Variants in KCNMA1 observed in about 807,000 individuals in gnomAD.
The protein encoded by KCNMA1 is Calcium-activated potassium channel subunit alpha-1.
A neutral mutation model predicts 140.0 loss-of-function variants in KCNMA1; 29 were observed. The observed-to-expected ratio is 0.21, with a 90% CI of 0.15 to 0.28. The LOEUF (loss-of-function observed/expected upper bound fraction) is 0.28, where lower values mean the gene tolerates loss of function less well. Among genes scored for constraint, KCNMA1 ranks in the 10% least tolerant of loss-of-function variants. The pLI, the probability that KCNMA1 is intolerant of heterozygous loss-of-function variation, is 1.00. For synonymous variants in KCNMA1, 612 were observed against 611.9 expected, an observed-to-expected ratio of 1.00 and a Z score of 0.00; for missense variants, 880 against 1,602.2, an observed-to-expected ratio of 0.55 and a Z score of 7.70.
intron 2 of KCNMA1, among the ~76,000 whole-genome samples, chr10:77,280,230 A>C (rs1188444324): frequency 6.6e-6 from 1 of 152,230 alleles, no homozygotes; most frequent in Non-Finnish European, 1.5e-5. Context: ...GCAGGGGAAA[A>C]TGAAGTATGC....
intron 2 of KCNMA1, among the ~76,000 whole-genome samples, chr10:77,256,460 T>C (rs1327991492): frequency 6.6e-6 from 1 of 152,172 alleles, no homozygotes; most frequent in African/African-American, 2.4e-5. Context: ...CCAGTGAATC[T>C]GACAATGGGA....
At chr10:76,925,941 G>T (rs2057545146) in intron 23 of KCNMA1, among the ~76,000 whole-genome samples, 2 of 152,214 alleles carry the variant, frequency 1.3e-5, no homozygotes, top group Non-Finnish European at 2.9e-5. Flanking sequence ...AGCTATCTCT[G>T]AATGGTTCTA....
intron 24 of KCNMA1, 81 bp downstream of exon 24, chr10:76,914,855 G>T: frequency 1.8e-6 from 2 of 1,083,428 alleles, no homozygotes; most frequent in Admixed American, 1.7e-5. Flanking sequence ...AAAGGGCTAA[G>T]AAATAAACCA....
At chr10:77,265,510 A>T (rs2063186381) in intron 2 of KCNMA1, among the ~76,000 whole-genome samples, 1 of 152,182 alleles carries the variant, frequency 6.6e-6, no homozygotes, top group African/African-American at 2.4e-5. Flanking sequence ...AACATTTTAA[A>T]CTGTTTAGGT....
At chr10:76,956,028 A>G (rs1343484045) in intron 20 of KCNMA1, among the ~76,000 whole-genome samples, 1 of 152,168 alleles carries the variant, frequency 6.6e-6, no homozygotes, top group Non-Finnish European at 1.5e-5. Flanking sequence ...GATACTCAGA[A>G]CTATGTTCCC....
intron 1 of KCNMA1, among the ~76,000 whole-genome samples, chr10:77,543,577 C>A (rs192220328): frequency 6.6e-6 from 1 of 152,062 alleles, no homozygotes; most frequent in East Asian, 1.9e-4. Flanking sequence ...ATGTTTAATG[C>A]TATAGAAGAA....
intron 1 of KCNMA1, among the ~76,000 whole-genome samples, chr10:77,411,582 C>T (rs893584686): frequency 2.6e-5 from 4 of 152,138 alleles, no homozygotes; most frequent in South Asian, 2.1e-4. Flanking sequence ...GCTGTCCTCC[C>T]GGGAACAGTG....
intron 13 of KCNMA1, among the ~76,000 whole-genome samples, chr10:77,073,454 C>T (rs2096279256): frequency 6.6e-6 from 1 of 152,158 alleles, no homozygotes; most frequent in Non-Finnish European, 1.5e-5. Context: ...GTTGCTTCTG[C>T]ACCCACCAAG....
At chr10:77,554,289 G>A (rs116298445) in intron 1 of KCNMA1, among the ~76,000 whole-genome samples, 2,235 of 152,200 alleles carry the variant, frequency 0.015, 62 homozygotes, top group African/African-American at 0.051. Flanking sequence ...GATGAGGTAA[G>A]GAAGAGTCCA....
intron 1 of KCNMA1, among the ~76,000 whole-genome samples, chr10:77,591,920 C>T (rs1315137903): frequency 6.6e-6 from 1 of 152,194 alleles, no homozygotes; most frequent in East Asian, 1.9e-4. Context: ...AACTGCCCAT[C>T]AAGGCTCTGC....
intron 2 of KCNMA1, among the ~76,000 whole-genome samples, chr10:77,291,000 C>G (rs1051039796): frequency 2.6e-4 from 40 of 152,230 alleles, no homozygotes; most frequent in Admixed American, 1.8e-3. Flanking sequence ...TGACAAGATG[C>G]CTTTCACCTA....
At chr10:77,333,938 GTA>G (rs1467938974) in intron 2 of KCNMA1, among the ~76,000 whole-genome samples, 1 of 152,158 alleles carries the variant, frequency 6.6e-6, no homozygotes, top group Non-Finnish European at 1.5e-5. Flanking sequence ...TAGGATTTCA[GTA>G]TATGCAATTG....
intron 5 of KCNMA1, among the ~76,000 whole-genome samples, chr10:77,147,491 C>T (rs73293903): frequency 4.7e-4 from 72 of 152,218 alleles, no homozygotes; most frequent in African/African-American, 1.5e-3. Flanking sequence ...TAATTCAGCC[C>T]ATTCTTCCCT....
At chr10:77,491,055 A>G (rs1339019254) in intron 1 of KCNMA1, among the ~76,000 whole-genome samples, 1 of 152,198 alleles carries the variant, frequency 6.6e-6, no homozygotes, top group Admixed American at 6.5e-5. Flanking sequence ...AGATGGAGAC[A>G]CTGAGGTCCA....
intron 1 of KCNMA1, among the ~76,000 whole-genome samples, chr10:77,557,615 G>A (rs2064968131): frequency 6.6e-6 from 1 of 151,240 alleles, no homozygotes; most frequent in Non-Finnish European, 1.5e-5. Flanking sequence ...CTCTGGGGCA[G>A]GTTAAGAAAT....
intron 14 of KCNMA1, among the ~76,000 whole-genome samples, chr10:77,043,738 C>T (rs1334281328): frequency 6.6e-6 from 1 of 152,140 alleles, no homozygotes; most frequent in Non-Finnish European, 1.5e-5. Context: ...ATAACCCAAT[C>T]AAAAAAGGAC....
intron 23 of KCNMA1, among the ~76,000 whole-genome samples, chr10:76,916,592 G>A (rs1294817974): frequency 6.6e-6 from 1 of 152,150 alleles, no homozygotes; most frequent in Non-Finnish European, 1.5e-5. Context: ...TTTTCCTTCA[G>A]CGGAATGCTA....
intron 3 of KCNMA1, among the ~76,000 whole-genome samples, chr10:77,197,159 G>A (rs1050109004): frequency 5.3e-5 from 8 of 152,148 alleles, no homozygotes; most frequent in African/African-American, 1.9e-4. Context: ...TTTTAAAGTT[G>A]AATTAATAGT....
intron 23 of KCNMA1, among the ~76,000 whole-genome samples, chr10:76,921,471 G>A (rs2055750153): frequency 6.6e-6 from 1 of 152,184 alleles, no homozygotes; most frequent in African/African-American, 2.4e-5. Context: ...TTTAACACAT[G>A]ATTGGCAACT....
Sources: gnomAD v4.1 joint callset for allele counts (sites outside exome capture counted in the v4.1 genomes callset) on GRCh38, gnomAD v4.1.1 for gene constraint, MANE v1.5 for transcripts, NCBI Gene and HGNC (gene_info 2026-07-23, HGNC 2026-07-21) for gene names.